UBE2D4: variants seen among roughly 807,000 people sequenced by gnomAD.
The protein encoded by UBE2D4 is ubiquitin-conjugating enzyme E2 D4.
In UBE2D4, 17 loss-of-function variants were observed where a neutral mutation model predicts 23.0. The ratio of observed to expected loss-of-function variants is 0.74; its 90% CI spans 0.51 to 1.11. The LOEUF (loss-of-function observed/expected upper bound fraction) is 1.11, where lower values mean the gene tolerates loss of function less well. Ranked by LOEUF, UBE2D4 falls within the 50% of genes least tolerant of loss-of-function variation. The pLI, the probability that UBE2D4 is intolerant of heterozygous loss-of-function variation, is 0.00. For synonymous variants in UBE2D4, 61 were observed against 69.4 expected (o/e 0.88, Z 0.60); for missense variants, 139 against 181.8 (o/e 0.76, Z 1.35).
chr7:43,953,160 T>C lies in UBE2D4; in HGVS notation c.*465T>C, dbSNP rs1353412631. The C allele has an allele frequency of 2.2e-6, 1 of 456,720 alleles. No homozygotes were observed. The highest frequency in any genetic ancestry group is 4.4e-6 in the Non-Finnish European group (1 of 227,038). The allele number at this position is 456,720 out of a possible 1,614,324, so 28.3% of individuals were successfully genotyped here. On this transcript the variant is annotated 3_prime_UTR_variant, in exon 7 of 7. Coordinates refer to ENST00000222402, the MANE Select transcript of UBE2D4 (RefSeq NM_015983.4). ...GAGCAGGCTTTGTTCGCACCTCATC[T>C]GCTGCAGAACCACATCCTGAGGAGT...
At chr7:43,933,397 C>CA (rs996024578) in intron 1 of UBE2D4, among the ~76,000 whole-genome samples, 3 of 151,600 alleles carry the variant, frequency 2.0e-5, no homozygotes, top group South Asian at 2.1e-4. Context: ...TTTAGTTTCT[C>CA]AAAAAAAAGT....
At chr7:43,939,417 T>G (rs765093257) in intron 2 of UBE2D4, among the ~76,000 whole-genome samples, 1 of 152,244 alleles carries the variant, frequency 6.6e-6, no homozygotes, top group Non-Finnish European at 1.5e-5. Flanking sequence ...GCACTAGGGT[T>G]TCCAGGTCTG....
At position 43,953,294 on chromosome 7, in the gene UBE2D4, C is replaced by T. The variant is rs1361873490; in HGVS notation, c.*599C>T. ...CAGTGCCACGTGGTGGCATTTCTCG[C>T]CTCACACCAAGAAGCAGCAAGTGGA... On this transcript the variant is annotated 3_prime_UTR_variant, in exon 7 of 7. Transcript: ENST00000222402. The T allele has an allele frequency of 4.6e-6, 2 of 435,616 alleles. No individual in the cohort carries two copies. The highest frequency in any genetic ancestry group is 2.0e-5 in the African/African-American group (1 of 49,174). 27.0% of individuals were successfully genotyped at this position (435,616 alleles called of 1,614,324 possible).
intron 4 of UBE2D4, 65 bp from the exon 5 acceptor site, chr7:43,948,567 T>C (rs761324768): frequency 1.2e-4 from 127 of 1,093,132 alleles, no homozygotes; most frequent in Non-Finnish European, 1.6e-4. Flanking sequence ...CTGCTTCTGC[T>C]TTACTTGGTT....
chr7:43,952,555 C>A, intron 6 of UBE2D4, 95 bp from the exon 7 acceptor site: 1 of 1,104,250 alleles, frequency 9.1e-7, no homozygotes, highest in Non-Finnish European at 1.4e-6. Context: ...GCAGCAGCAG[C>A]AGCATTCCCC....
At chr7:43,927,887 C>T (rs1010825543) in intron 1 of UBE2D4, 4 of 347,462 alleles carry the variant, frequency 1.2e-5, no homozygotes, top group African/African-American at 8.7e-5. Context: ...TGTTATTGTT[C>T]AAAATTCTTC....
At chr7:43,947,422 T>A (rs144372912) in intron 4 of UBE2D4, among the ~76,000 whole-genome samples, 2,563 of 152,232 alleles carry the variant, frequency 0.017, 66 homozygotes, top group African/African-American at 0.058. Flanking sequence ...TGAGCCACCA[T>A]GCCTGGCCCA....
chr7:43,952,763 T>C lies in UBE2D4; in HGVS notation c.*68T>C, dbSNP rs2096005806. On this transcript the variant is annotated 3_prime_UTR_variant, in exon 7 of 7. Coordinates refer to ENST00000222402, the MANE Select transcript of UBE2D4 (RefSeq NM_015983.4). ...GGCAGAGAGGTCTTCCCTTAAAACT[T>C]TGGGCTGTTGGCTGAGCCATTCAAA... 5.1e-6 allele frequency: 7 copies of C among 1,363,718 alleles called. No homozygotes were observed. In the Admixed American group the frequency reaches 1.0e-4, roughly 20 times the overall value. The allele number at this position is 1,363,718 out of a possible 1,614,324, so 84.5% of individuals were successfully genotyped here. A position where few individuals can be genotyped will look rare whatever the true frequency, so the allele number is the denominator to read the frequency against.
At chr7:43,926,580 C>A (rs751298381) in intron 1 of UBE2D4, 24 bp downstream of exon 1, 2 of 1,562,662 alleles carry the variant, frequency 1.3e-6, no homozygotes, top group East Asian at 5.2e-5. Flanking sequence ...CACCCTCCAA[C>A]TCTTTGGGTG....
At chr7:43,946,914 T>C (rs1393217189) in intron 4 of UBE2D4, among the ~76,000 whole-genome samples, 10 of 151,950 alleles carry the variant, frequency 6.6e-5, no homozygotes, top group Non-Finnish European at 1.5e-4. Context: ...AGTTCTAGGG[T>C]ACATGTGCAC....
chr7:43,950,577 C>A, intron 5 of UBE2D4, 22 bp from the exon 6 acceptor site: 1 of 1,609,426 alleles, frequency 6.2e-7, no homozygotes, highest in Non-Finnish European at 8.5e-7. Flanking sequence ...TACAGCTGAC[C>A]AACCTTTTCT....
chr7:43,952,768 C>A lies in UBE2D4; in HGVS notation c.*73C>A. 3 of 1,317,496 alleles carry A rather than the reference C, an allele frequency of 2.3e-6. No individual in the cohort carries two copies. The highest frequency in any genetic ancestry group is 3.3e-6 in the Non-Finnish European group (3 of 911,178). 81.6% of individuals were successfully genotyped at this position (1,317,496 alleles called of 1,614,324 possible). On this transcript the variant is annotated 3_prime_UTR_variant, in exon 7 of 7. Transcript: ENST00000222402. The stretch of plus-strand genomic sequence containing the variant: ...AGAGGTCTTCCCTTAAAACTTTGGG[C>A]TGTTGGCTGAGCCATTCAAAGAGCA...
chr7:43,933,844 T>G (rs1353392595), intron 1 of UBE2D4, among the ~76,000 whole-genome samples: 1 of 152,184 alleles, frequency 6.6e-6, no homozygotes, highest in Non-Finnish European at 1.5e-5. Flanking sequence ...GTCTCTGAAA[T>G]TGGGATGCTT....
intron 1 of UBE2D4, among the ~76,000 whole-genome samples, chr7:43,932,034 G>A (rs982649771): frequency 7.3e-5 from 11 of 150,722 alleles, no homozygotes; most frequent in African/African-American, 2.7e-4. Flanking sequence ...TGTCGCCCAG[G>A]CTGGAGTGCA....
chr7:43,948,773 T>C lies in UBE2D4; in HGVS notation c.304+36T>C, dbSNP rs556515821. On this transcript the variant is annotated intron_variant, in intron 5 of 6. Coordinates refer to ENST00000222402, the MANE Select transcript of UBE2D4 (RefSeq NM_015983.4). ...TGATGGCATGCTCTGTGTGCTCTTT[T>C]ACACATGTTTTTACCCCAGCACTGA... 5.7e-4 allele frequency: 858 copies of C among 1,501,718 alleles called. 1 individual carries two copies. Among genetic ancestry groups the C allele is most frequent in the Non-Finnish European group, 7.8e-4 (837 of 1,079,002 alleles). The allele number at this position is 1,501,718 out of a possible 1,614,324, so 93.0% of individuals were successfully genotyped here.
intron 2 of UBE2D4, among the ~76,000 whole-genome samples, chr7:43,939,410 C>T (rs2095966104): frequency 6.6e-6 from 1 of 152,262 alleles, no homozygotes; most frequent in Non-Finnish European, 1.5e-5. Context: ...CTGCCCAGCA[C>T]TAGGGTTTCC....
chr7:43,926,653 GCGAGTCGCGGATA>G, intron 1 of UBE2D4, 97 bp downstream of exon 1: 1 of 1,327,646 alleles, frequency 7.5e-7, no homozygotes, highest in East Asian at 2.9e-5. Flanking sequence ...CGGAGGCTCC[GCGAGTCGCGGATA>G]CACCTGCCTG....
At chr7:43,931,363 G>A (rs1481364453) in intron 1 of UBE2D4, among the ~76,000 whole-genome samples, 6 of 152,076 alleles carry the variant, frequency 3.9e-5, no homozygotes, top group South Asian at 2.1e-4. Context: ...GATCGCTTGA[G>A]CCAGACAGAG....
intron 1 of UBE2D4, among the ~76,000 whole-genome samples, chr7:43,934,467 T>G (rs2095953976): frequency 7.5e-6 from 1 of 133,030 alleles, no homozygotes. Flanking sequence ...TTTTTTTTTT[T>G]GTATTCATGA....
Sources: allele counts gnomAD v4.1 joint callset (sites outside exome capture counted in the v4.1 genomes callset), GRCh38; gene constraint gnomAD v4.1.1; transcripts MANE v1.5; gene names NCBI Gene and HGNC (gene_info 2026-07-23, HGNC 2026-07-21).